Variants in LRRC4C observed in about 807,000 individuals in gnomAD.
The protein encoded by LRRC4C is leucine-rich repeat-containing protein 4C.
Under a neutral mutation model 33.6 loss-of-function variants are expected in LRRC4C, and 5 were observed. The ratio of observed to expected loss-of-function variants is 0.15; its 90% CI spans 0.08 to 0.31. The LOEUF is 0.31. Ranked by LOEUF, LRRC4C falls within the 10% of genes least tolerant of loss-of-function variation. The probability of loss-of-function intolerance (pLI) is 1.00; values close to 1 mark genes in which losing one functional copy is unlikely to be tolerated. For missense variants in LRRC4C, 560 were observed against 796.7 expected (o/e 0.70, Z 3.58); for synonymous variants, 329 against 302.0 (o/e 1.09, Z -0.93).
At chr11:40,150,800 G>A (rs572206521) in intron 5 of LRRC4C, among the ~76,000 whole-genome samples, 1 of 152,262 alleles carries the variant, frequency 6.6e-6, no homozygotes, top group South Asian at 2.1e-4. Context: ...GAAGGGAGAA[G>A]TAGATCAGTG....
chr11:40,861,869 T>C (rs1954119488), intron 2 of LRRC4C, among the ~76,000 whole-genome samples: 1 of 152,094 alleles, frequency 6.6e-6, no homozygotes. Flanking sequence ...GGTGCCAGGC[T>C]CTTTAAACAA....
intron 1 of LRRC4C, among the ~76,000 whole-genome samples, chr11:41,221,790 A>G (rs1034495355): frequency 2.0e-5 from 3 of 152,236 alleles, no homozygotes; most frequent in Non-Finnish European, 4.4e-5. Flanking sequence ...ACAAGAAACC[A>G]TAGAGCTCAA....
intron 1 of LRRC4C, among the ~76,000 whole-genome samples, chr11:41,213,315 A>C (rs1014529907): frequency 6.6e-6 from 1 of 152,184 alleles, no homozygotes; most frequent in Non-Finnish European, 1.5e-5. Context: ...GATCATATTT[A>C]TTTTGTGTAA....
intron 1 of LRRC4C, among the ~76,000 whole-genome samples, chr11:41,161,589 C>A (rs1012167212): frequency 1.3e-5 from 2 of 152,140 alleles, no homozygotes; most frequent in Non-Finnish European, 2.9e-5. Flanking sequence ...ATGTCATGGA[C>A]ACTTAGGGTC....
At chr11:41,012,114 T>G (rs1274140190) in intron 1 of LRRC4C, among the ~76,000 whole-genome samples, 2 of 152,090 alleles carry the variant, frequency 1.3e-5, no homozygotes, top group African/African-American at 2.4e-5. Flanking sequence ...CTACCTATTT[T>G]GAAATGTACA....
At chr11:40,831,042 A>G (rs1952389760) in intron 2 of LRRC4C, among the ~76,000 whole-genome samples, 1 of 152,124 alleles carries the variant, frequency 6.6e-6, no homozygotes, top group Non-Finnish European at 1.5e-5. Flanking sequence ...TACTTTACTT[A>G]GTTGTTATCT....
chr11:40,836,236 A>G (rs1239064155), intron 2 of LRRC4C, among the ~76,000 whole-genome samples: 2 of 152,112 alleles, frequency 1.3e-5, no homozygotes, highest in African/African-American at 4.8e-5. Context: ...AAGGTGTAAG[A>G]ACCTATGCCA....
chr11:40,427,719 A>G (rs1016700112), intron 3 of LRRC4C, among the ~76,000 whole-genome samples: 1 of 151,178 alleles, frequency 6.6e-6, no homozygotes, highest in Admixed American at 6.6e-5. Context: ...AGTCCCAGCT[A>G]TTTGGGAGGC....
At chr11:41,392,439 C>A (rs1294568814) in intron 1 of LRRC4C, among the ~76,000 whole-genome samples, 1 of 151,662 alleles carries the variant, frequency 6.6e-6, no homozygotes, top group East Asian at 2.0e-4. Context: ...AGGACAACCA[C>A]TGGGAGAGAA....
At chr11:40,791,026 T>A (rs1044160446) in intron 2 of LRRC4C, among the ~76,000 whole-genome samples, 1 of 152,198 alleles carries the variant, frequency 6.6e-6, no homozygotes, top group Non-Finnish European at 1.5e-5. Flanking sequence ...CAATATGAGC[T>A]GCATTTTGTC....
chr11:41,271,270 G>A (rs544389462), intron 1 of LRRC4C, among the ~76,000 whole-genome samples: 12 of 151,836 alleles, frequency 7.9e-5, no homozygotes, highest in Non-Finnish European at 1.0e-4. Context: ...TATCACCCTC[G>A]TACTCAAACC....
chr11:40,234,950 C>T (rs984103375), intron 5 of LRRC4C, among the ~76,000 whole-genome samples: 2 of 152,164 alleles, frequency 1.3e-5, no homozygotes, highest in Non-Finnish European at 2.9e-5. Flanking sequence ...CATTGAGAAC[C>T]ACCGTACTAA....
chr11:40,914,201 G>A (rs565074395), intron 2 of LRRC4C, among the ~76,000 whole-genome samples: 2 of 152,110 alleles, frequency 1.3e-5, no homozygotes, highest in Non-Finnish European at 2.9e-5. Context: ...ATTTTATGAG[G>A]CCAGCATCAT....
At chr11:41,406,980 GA>G (rs1172441176) in intron 1 of LRRC4C, among the ~76,000 whole-genome samples, 4 of 151,998 alleles carry the variant, frequency 2.6e-5, no homozygotes, top group African/African-American at 7.2e-5. Flanking sequence ...TTATAAAAGG[GA>G]AAAAATCTTG....
At chr11:41,029,784 A>G (rs553658475) in intron 1 of LRRC4C, among the ~76,000 whole-genome samples, 1 of 151,974 alleles carries the variant, frequency 6.6e-6, no homozygotes, top group Non-Finnish European at 1.5e-5. Context: ...GTCAACATAG[A>G]ATATTCTAGC....
chr11:40,809,945 C>A (rs1200595898), intron 2 of LRRC4C, among the ~76,000 whole-genome samples: 1 of 152,150 alleles, frequency 6.6e-6, no homozygotes, highest in East Asian at 1.9e-4. Flanking sequence ...GAAGTCATAA[C>A]ACTGTTCAAA....
At chr11:40,424,149 A>C (rs892872744) in intron 3 of LRRC4C, among the ~76,000 whole-genome samples, 1 of 128,042 alleles carries the variant, frequency 7.8e-6, no homozygotes, top group African/African-American at 2.9e-5. Flanking sequence ...GTGTAGATCC[A>C]TAATACTTAA....
At chr11:40,734,840 G>A (rs1209512582) in intron 2 of LRRC4C, among the ~76,000 whole-genome samples, 1 of 152,126 alleles carries the variant, frequency 6.6e-6, no homozygotes, top group African/African-American at 2.4e-5. Flanking sequence ...TTATTTTAGG[G>A]TGTGTCTGTG....
chr11:40,244,235 T>C (rs1347358098), intron 4 of LRRC4C, among the ~76,000 whole-genome samples: 6 of 152,060 alleles, frequency 3.9e-5, no homozygotes, highest in Non-Finnish European at 2.9e-5. Context: ...ATTTGGCACT[T>C]TGACATGCTG....
Sources: gnomAD v4.1 joint callset for allele counts (sites outside exome capture counted in the v4.1 genomes callset) on GRCh38, gnomAD v4.1.1 for gene constraint, MANE v1.5 for transcripts, NCBI Gene and HGNC (gene_info 2026-07-23, HGNC 2026-07-21) for gene names.